The following RIMS3 variants were observed in gnomAD, a reference collection of about 807,000 sequenced individuals.
RIMS3 encodes the protein regulating synaptic membrane exocytosis protein 3.
In RIMS3, 15 loss-of-function variants were observed where a neutral mutation model predicts 29.2. That is an observed-to-expected ratio of 0.51 (90% CI 0.34 to 0.79). RIMS3 has a LOEUF of 0.79. Ranked by LOEUF, RIMS3 falls within the 30% of genes least tolerant of loss-of-function variation. The probability of loss-of-function intolerance (pLI) is 0.01; values close to 1 mark genes in which losing one functional copy is unlikely to be tolerated. For missense variants in RIMS3, 342 were observed against 421.4 expected (o/e 0.81, Z 1.65); for synonymous variants, 161 against 170.1 (o/e 0.95, Z 0.41).
upstream of RIMS3, among the ~76,000 whole-genome samples, chr1:40,670,574 T>TTATATATATATATATATA (rs553412097): frequency 0.023 from 1,645 of 70,890 alleles, 134 homozygotes; most frequent in African/African-American, 0.031. Flanking sequence ...AGTTATAATT[T>TTATATATATATATATATA]TATATATATA....
In RIMS3 at chr1:40,626,734, C is replaced by T. The variant is rs1646457273; in HGVS notation, c.715-5G>A. The T allele has an allele frequency of 6.2e-7, 1 of 1,613,762 alleles. No homozygotes were observed. The highest frequency in any genetic ancestry group is 8.5e-7 in the Non-Finnish European group (1 of 1,179,934). ...ATAGTCTCCCCAGACGATCACCTGC[C>T]AGGAGGAAGAGAGGGAGGGAGTGAG... On this transcript the variant is annotated splice_region_variant and splice_polypyrimidine_tract_variant and intron_variant, in intron 7 of 7. Coordinates refer to ENST00000372684, the MANE Select transcript of RIMS3 (RefSeq NM_014747.3).
chr1:40,632,583 G>A (rs990434645), intron 5 of RIMS3, among the ~76,000 whole-genome samples: 1 of 151,134 alleles, frequency 6.6e-6, no homozygotes, highest in Non-Finnish European at 1.5e-5. Context: ...GGTAGTACTC[G>A]GCACACAGCA....
the RIMS3 span, among the ~76,000 whole-genome samples, chr1:40,680,079 G>A: frequency 6.6e-6 from 1 of 151,864 alleles, no homozygotes; most frequent in Non-Finnish European, 1.5e-5. Context: ...AGGATCACTT[G>A]AGCCCAGGAG....
chr1:40,631,876 G>T lies in RIMS3; in HGVS notation c.472+1193C>A, dbSNP rs151311197. Reference sequence around the variant, plus strand: ...AATCTCAGCTACTCAGGAGGCTGAGGCAGGAGAATCACTTGAACCTGGGAG... The same window carrying T: ...AATCTCAGCTACTCAGGAGGCTGAGTCAGGAGAATCACTTGAACCTGGGAG... On this transcript the variant is annotated intron_variant, in intron 5 of 7. Coordinates refer to ENST00000372684, the MANE Select transcript of RIMS3 (RefSeq NM_014747.3). 7.4e-3 allele frequency among the ~76,000 whole-genome samples: 1,126 copies of T among 152,084 alleles called. 9 individuals carry two copies. Among genetic ancestry groups the T allele is most frequent in the Non-Finnish European group, 0.012 (842 of 67,954 alleles).
chr1:40,691,644 C>T, the RIMS3 span: 10 of 431,484 alleles, frequency 2.3e-5, no homozygotes, highest in Non-Finnish European at 3.3e-5. Flanking sequence ...AGCTTCTGCG[C>T]ACCGCACGAT....
intron 1 of RIMS3, among the ~76,000 whole-genome samples, chr1:40,655,192 T>G (rs1642258927): frequency 6.6e-6 from 1 of 152,084 alleles, no homozygotes; most frequent in Admixed American, 6.5e-5. Flanking sequence ...CTCCGAAGCC[T>G]TCTGCTTCAC....
the RIMS3 span, among the ~76,000 whole-genome samples, chr1:40,679,122 G>A: frequency 5.3e-5 from 8 of 152,312 alleles, no homozygotes; most frequent in African/African-American, 1.9e-4. Context: ...ACTGGGGCCT[G>A]CAGCTACCCA....
the RIMS3 span, among the ~76,000 whole-genome samples, chr1:40,678,821 T>C: frequency 2.0e-5 from 3 of 152,216 alleles, no homozygotes; most frequent in South Asian, 6.2e-4. Flanking sequence ...TTAGCTCATC[T>C]GATGGCCAGA....
chr1:40,629,021 G>T, intron 6 of RIMS3, 72 bp from the exon 7 acceptor site: 1 of 1,580,592 alleles, frequency 6.3e-7, no homozygotes, highest in South Asian at 1.1e-5. Flanking sequence ...TCCCCTAACT[G>T]CCAGGTGATC....
chr1:40,633,929 A>G lies in RIMS3; in HGVS notation c.360-748T>C, dbSNP rs528109333. On this transcript the variant is annotated intron_variant, in intron 4 of 7. Transcript: ENST00000372684. The stretch of plus-strand genomic sequence containing the variant: ...TGCAAAACAAAATTCATAGGGTTTT[A>G]TATGTTGAGGATTAGGGCAAATGAA... 8.5e-5 allele frequency among the ~76,000 whole-genome samples: 13 copies of G among 152,346 alleles called. No individual in the cohort carries two copies. In the East Asian group the frequency reaches 2.5e-3, roughly 29 times the overall value.
chr1:40,649,629 C>G (rs535415108), intron 1 of RIMS3, among the ~76,000 whole-genome samples: 1 of 152,320 alleles, frequency 6.6e-6, no homozygotes, highest in Admixed American at 6.5e-5. Context: ...CACACCACAG[C>G]CCCCAATCTC....
At chr1:40,663,202 C>T (rs1031462355) in intron 1 of RIMS3, among the ~76,000 whole-genome samples, 8 of 152,176 alleles carry the variant, frequency 5.3e-5, no homozygotes, top group South Asian at 4.1e-4. Context: ...GTACAGGAGA[C>T]GCACCCTGCA....
chr1:40,623,553 C>G lies in RIMS3; in HGVS notation c.*2964G>C. 2.5e-6 allele frequency: 1 copy of G among 398,726 alleles called. No homozygotes were observed. 24.7% of individuals were successfully genotyped at this position (398,726 alleles called of 1,614,324 possible). On this transcript the variant is annotated 3_prime_UTR_variant, in exon 8 of 8. Transcript: ENST00000372684. ...ACAAAGAGCTCCATTCCTGTAACCA[C>G]TGCAGGGTTTCATCTGGGCAAGGGG...
chr1:40,653,606 G>C (rs1361885742), intron 1 of RIMS3, among the ~76,000 whole-genome samples: 1 of 152,306 alleles, frequency 6.6e-6, no homozygotes, highest in Admixed American at 6.5e-5. Flanking sequence ...GCTGTGGCGG[G>C]AGCCCGGGGC....
At chr1:40,676,407 T>A in the RIMS3 span, among the ~76,000 whole-genome samples, 4 of 152,170 alleles carry the variant, frequency 2.6e-5, no homozygotes, top group Non-Finnish European at 5.9e-5. Flanking sequence ...GGTGGCTGGT[T>A]AAAGAGCCTG....
Position 40,641,934 on chromosome 1 carries a change from G to A in RIMS3, c.-9C>T. ...GGCTCCCCGTTAAACATGGTCCCCG[G>A]GGTGGCAGGGCCTCAGGCAGCTCTG... On this transcript the variant is annotated 5_prime_UTR_variant, in exon 3 of 8. Transcript: ENST00000372684. 1.9e-6 allele frequency: 3 copies of A among 1,611,742 alleles called. No homozygotes were observed. The highest frequency in any genetic ancestry group is 2.5e-6 in the Non-Finnish European group (3 of 1,178,574).
In RIMS3 at chr1:40,634,207, T is replaced by C. The variant is rs573110645; in HGVS notation, c.360-1026A>G. On this transcript the variant is annotated intron_variant, in intron 4 of 7. Transcript: ENST00000372684. The stretch of plus-strand genomic sequence containing the variant: ...AAAGGCTGTCCAAGGAAGAATCTCC[T>C]ACTAGATAGTTTGGCCTTGAGTCCC... Among the ~76,000 whole-genome samples the C allele has an allele frequency of 7.2e-5, 11 of 152,224 alleles. 1 individual carries two copies. In the East Asian group the frequency reaches 1.4e-3, roughly 19 times the overall value.
rs1439592420 is a variant in RIMS3, at chr1:40,636,108, A to G, written c.218-51T>C. 54 of 1,595,386 alleles carry G rather than the reference A, an allele frequency of 3.4e-5. No homozygotes were observed. Among genetic ancestry groups the G allele is most frequent in the Non-Finnish European group, 4.3e-5 (50 of 1,175,902 alleles). ...AGAGAGGGAACAAGGTCAGATTATGAATGGGGCTTCTCTAAGAGTCCTGCC... is the reference window on the plus strand; with the variant it reads ...AGAGAGGGAACAAGGTCAGATTATGGATGGGGCTTCTCTAAGAGTCCTGCC... On this transcript the variant is annotated intron_variant, in intron 3 of 7. Coordinates refer to ENST00000372684, the MANE Select transcript of RIMS3 (RefSeq NM_014747.3). The surrounding 1 kb of genome is among the most constrained non-coding windows in gnomAD (Gnocchi z 4.2).
At chr1:40,632,159 C>A (rs1570172804) in intron 5 of RIMS3, among the ~76,000 whole-genome samples, 1 of 152,032 alleles carries the variant, frequency 6.6e-6, no homozygotes, top group African/African-American at 2.4e-5. Flanking sequence ...GCTGGGACTA[C>A]AGGCACAGGC....
Sources: gnomAD v4.1 joint callset for allele counts (sites outside exome capture counted in the v4.1 genomes callset) on GRCh38, gnomAD v4.1.1 for gene constraint, Gnocchi (gnomAD v3.1) non-coding constraint, MANE v1.5 for transcripts, NCBI Gene and HGNC (gene_info 2026-07-23, HGNC 2026-07-21) for gene names.